The following CENPP variants were observed in gnomAD, a reference collection of about 807,000 sequenced individuals.
The protein encoded by CENPP is centromere protein P.
A neutral mutation model predicts 35.6 loss-of-function variants in CENPP; 24 were observed. The observed-to-expected ratio is 0.67, with a 90% CI of 0.49 to 0.95. The LOEUF (loss-of-function observed/expected upper bound fraction) is 0.95, where lower values mean the gene tolerates loss of function less well. Ranked by LOEUF, CENPP falls within the 40% of genes least tolerant of loss-of-function variation. The pLI, the probability that CENPP is intolerant of heterozygous loss-of-function variation, is 0.00. For missense variants in CENPP, 332 were observed against 345.3 expected (o/e 0.96, Z 0.31); for synonymous variants, 120 against 125.5 (o/e 0.96, Z 0.29).
At chr9:92,385,903 T>C in intron 5 of CENPP, 1 of 934,000 alleles carries the variant, frequency 1.1e-6, no homozygotes, top group Non-Finnish European at 1.6e-6. Flanking sequence ...TCACTTCAAA[T>C]CCTTGTGTCA....
chr9:92,420,382 A>G (rs1255047899), intron 5 of CENPP, among the ~76,000 whole-genome samples: 3 of 152,076 alleles, frequency 2.0e-5, no homozygotes, highest in African/African-American at 7.2e-5. Context: ...GGCTCCTTCA[A>G]TCTGCCAAAC....
At chr9:92,363,793 C>T (rs1474455170) in intron 4 of CENPP, among the ~76,000 whole-genome samples, 2 of 151,942 alleles carry the variant, frequency 1.3e-5, no homozygotes, top group African/African-American at 4.8e-5. Flanking sequence ...AACTTGGCTC[C>T]TAGAAATATC....
intron 5 of CENPP, among the ~76,000 whole-genome samples, chr9:92,594,991 G>T (rs977159049): frequency 4.1e-5 from 6 of 147,746 alleles, no homozygotes; most frequent in Non-Finnish European, 8.9e-5. Flanking sequence ...CCGCCTCCCA[G>T]GTTCAAGCAA....
At chr9:92,506,142 GGTGGGTAGAA>G (rs889973802) in intron 5 of CENPP, among the ~76,000 whole-genome samples, 1 of 152,176 alleles carries the variant, frequency 6.6e-6, no homozygotes, top group Non-Finnish European at 1.5e-5. Context: ...TAGGCAATGG[GGTGGGTAGAA>G]GTTTAATGCA....
chr9:92,590,279 C>A (rs191919096), intron 5 of CENPP, among the ~76,000 whole-genome samples: 23 of 152,264 alleles, frequency 1.5e-4, no homozygotes, highest in Non-Finnish European at 2.9e-4. Flanking sequence ...TCAATGCATT[C>A]TCTTGCTTTA....
intron 5 of CENPP, among the ~76,000 whole-genome samples, chr9:92,504,064 G>C (rs1433699993): frequency 6.6e-6 from 1 of 152,174 alleles, no homozygotes; most frequent in African/African-American, 2.4e-5. Context: ...GCTCACAGTG[G>C]GGCAGATTGC....
At chr9:92,325,664 G>C (rs1406604788), upstream of CENPP, 5 of 303,842 alleles carry the variant, frequency 1.6e-5, no homozygotes, top group Non-Finnish European at 3.1e-5. Flanking sequence ...TCTTTAGTGA[G>C]GCACGCGGCC....
intron 5 of CENPP, among the ~76,000 whole-genome samples, chr9:92,511,060 A>T (rs1371196881): frequency 6.6e-6 from 1 of 152,188 alleles, no homozygotes; most frequent in African/African-American, 2.4e-5. Context: ...CACATTTATG[A>T]GTTTTTGTTT....
intron 5 of CENPP, among the ~76,000 whole-genome samples, chr9:92,602,019 T>C (rs1191041888): frequency 6.6e-6 from 1 of 152,138 alleles, no homozygotes; most frequent in African/African-American, 2.4e-5. Flanking sequence ...GCTCCTTTGA[T>C]TCTAGAGCTG....
intron 6 of CENPP, among the ~76,000 whole-genome samples, chr9:92,612,031 T>C (rs1241179188): frequency 6.6e-6 from 1 of 152,150 alleles, no homozygotes; most frequent in Non-Finnish European, 1.5e-5. Context: ...TCACTGCTCA[T>C]CCTCCCGGAG....
chr9:92,589,469 T>C (rs576190810), intron 5 of CENPP, among the ~76,000 whole-genome samples: 40 of 150,282 alleles, frequency 2.7e-4, no homozygotes, highest in Non-Finnish European at 2.8e-4. Context: ...AAAAAAAAAA[T>C]CCAAACCATG....
At chr9:92,356,853 T>C (rs1841600870) in intron 4 of CENPP, among the ~76,000 whole-genome samples, 1 of 152,230 alleles carries the variant, frequency 6.6e-6, no homozygotes, top group Non-Finnish European at 1.5e-5. Flanking sequence ...CAATTTATGT[T>C]CCTCTGCCGC....
intron 5 of CENPP, among the ~76,000 whole-genome samples, chr9:92,567,266 G>C (rs532727255): frequency 2.6e-5 from 4 of 151,478 alleles, no homozygotes; most frequent in Non-Finnish European, 5.9e-5. Flanking sequence ...TGTAACAACT[G>C]TTTGTGATTT....
intron 5 of CENPP, among the ~76,000 whole-genome samples, chr9:92,573,952 A>G (rs893759440): frequency 6.6e-6 from 1 of 152,188 alleles, no homozygotes; most frequent in African/African-American, 2.4e-5. Context: ...TTGGAAAAGC[A>G]TAGTATTAGA....
chr9:92,383,226 T>C (rs1001034382), intron 5 of CENPP, among the ~76,000 whole-genome samples: 2 of 152,190 alleles, frequency 1.3e-5, no homozygotes, highest in African/African-American at 2.4e-5. Flanking sequence ...TGTATCTTTG[T>C]TGTAAATGTT....
chr9:92,569,227 ATC>A (rs1850072845), intron 5 of CENPP, among the ~76,000 whole-genome samples: 1 of 152,118 alleles, frequency 6.6e-6, no homozygotes, highest in South Asian at 2.1e-4. Flanking sequence ...TAACATTTAA[ATC>A]TCTAATTCAT....
intron 6 of CENPP, among the ~76,000 whole-genome samples, chr9:92,611,774 A>T (rs950804236): frequency 6.6e-6 from 1 of 152,174 alleles, no homozygotes; most frequent in Non-Finnish European, 1.5e-5. Flanking sequence ...TAGTGCCCTG[A>T]TAGCACAGCT....
chr9:92,348,393 CTTT>C (rs201975799), intron 4 of CENPP, among the ~76,000 whole-genome samples: 1 of 141,264 alleles, frequency 7.1e-6, no homozygotes, highest in Admixed American at 7.1e-5. Context: ...CTTCCTATAA[CTTT>C]TTTTTTTTTT....
rs148427649 is a variant in CENPP at position 92,398,343 on chromosome 9, T to C, written c.564+18484T>C. The stretch of plus-strand genomic sequence containing the variant: ...TTCATTTATATACGTATTTGGTTTT[T>C]TGACTATACGAAACAGCATTGTTCT... On this transcript the variant is annotated intron_variant, in intron 5 of 7. Transcript: ENST00000375587. Among the ~76,000 whole-genome samples, 484 of 152,336 alleles carry C rather than the reference T, an allele frequency of 3.2e-3. 3 individuals carry two copies. Among genetic ancestry groups the C allele is most frequent in the Non-Finnish European group, 5.8e-3 (392 of 68,026 alleles).
Sources: allele counts gnomAD v4.1 joint callset (sites outside exome capture counted in the v4.1 genomes callset), GRCh38; gene constraint gnomAD v4.1.1; transcripts MANE v1.5; gene names NCBI Gene and HGNC (gene_info 2026-07-23, HGNC 2026-07-21).